WASF3: variants seen among roughly 807,000 people sequenced by gnomAD.
The protein encoded by WASF3 is actin-binding protein WASF3.
In WASF3, 11 loss-of-function variants were observed where a neutral mutation model predicts 46.6. The ratio of observed to expected loss-of-function variants is 0.24; its 90% CI spans 0.15 to 0.39. The LOEUF is 0.39. Among genes scored for constraint, WASF3 ranks in the 10% least tolerant of loss-of-function variants. The probability of loss-of-function intolerance (pLI) is 1.00; values close to 1 mark genes in which losing one functional copy is unlikely to be tolerated. For synonymous variants in WASF3, 242 were observed against 259.7 expected (o/e 0.93, Z 0.65); for missense variants, 576 against 669.8 (o/e 0.86, Z 1.55).
chr13:26,568,374 G>A (rs1879537008), intron 1 of WASF3, among the ~76,000 whole-genome samples: 1 of 152,250 alleles, frequency 6.6e-6, no homozygotes, highest in Non-Finnish European at 1.5e-5. Flanking sequence ...AATAGCAGAA[G>A]AAAGAGATCA....
rs1198977267 is a variant in WASF3, at chr13:26,679,929, G to T, written c.717-1125G>T. On this transcript the variant is annotated intron_variant, in intron 7 of 9. Coordinates refer to ENST00000335327, the MANE Select transcript of WASF3 (RefSeq NM_006646.6). This position sits in a 1 kb window ranked among gnomAD's most constrained non-coding sequence, Gnocchi z 4.8. Reference sequence around the variant, plus strand: ...GGAAGGCTTTTCTGTGCCACATGGTGCCCCAGTTAAGAAAAGCTACCAACT... The same window carrying T: ...GGAAGGCTTTTCTGTGCCACATGGTTCCCCAGTTAAGAAAAGCTACCAACT... 8 of 1,337,248 alleles carry T rather than the reference G, an allele frequency of 6.0e-6. No homozygotes were observed. The East Asian group carries it at 2.0e-4, about 34-fold the overall frequency. The allele number at this position is 1,337,248 out of a possible 1,614,324, so 82.8% of individuals were successfully genotyped here.
intron 2 of WASF3, among the ~76,000 whole-genome samples, chr13:26,615,809 C>T (rs1403736179): frequency 6.6e-6 from 1 of 152,152 alleles, no homozygotes; most frequent in Non-Finnish European, 1.5e-5. Flanking sequence ...CACATAACGG[C>T]TGCTCTGCTT....
chr13:26,583,076 T>TAGCA (rs1880031605), intron 1 of WASF3, among the ~76,000 whole-genome samples: 1 of 152,228 alleles, frequency 6.6e-6, no homozygotes, highest in Admixed American at 6.5e-5. Flanking sequence ...AGTGGAAAGA[T>TAGCA]AGCAATAGCC....
chr13:26,651,017 G>A (rs1387517071), intron 3 of WASF3, among the ~76,000 whole-genome samples: 4 of 152,170 alleles, frequency 2.6e-5, no homozygotes, highest in African/African-American at 7.2e-5. Context: ...TCAACTAACA[G>A]ACACAAGAAA....
chr13:26,683,692 A>C (rs1021518794), intron 9 of WASF3, among the ~76,000 whole-genome samples: 1 of 152,096 alleles, frequency 6.6e-6, no homozygotes, highest in Non-Finnish European at 1.5e-5. Context: ...GTCCTAAGCC[A>C]GTGGTTTTTC....
At chr13:26,677,133 A>T (rs1233241377) in intron 7 of WASF3, among the ~76,000 whole-genome samples, 2 of 152,220 alleles carry the variant, frequency 1.3e-5, no homozygotes, top group Non-Finnish European at 2.9e-5. Context: ...GTAACTAAGG[A>T]GTACCTTCAT....
intron 1 of WASF3, among the ~76,000 whole-genome samples, chr13:26,582,569 C>T (rs964252028): frequency 2.1e-5 from 3 of 142,862 alleles, no homozygotes; most frequent in Admixed American, 7.5e-5. Context: ...CCCAGTTACT[C>T]GGGAGGCTGA....
At chr13:26,609,822 A>G (rs1880915204) in intron 1 of WASF3, among the ~76,000 whole-genome samples, 2 of 152,128 alleles carry the variant, frequency 1.3e-5, no homozygotes, top group South Asian at 2.1e-4. Flanking sequence ...TTGAGTGTCT[A>G]TATGCTTTTC....
rs1479068034 is a variant in WASF3 at position 26,667,668 on chromosome 13, C to T, written c.420C>T (p.Tyr140=). 1 of 1,613,642 alleles carries T rather than the reference C, an allele frequency of 6.2e-7. No individual in the cohort carries two copies. Among genetic ancestry groups the T allele is most frequent in the Admixed American group, 1.7e-5 (1 of 59,940 alleles). The change falls in exon 5 of 10, where the codon TAC becomes TAT. Residue 140 remains tyrosine (Y), a splice_region_variant and synonymous_variant. Coordinates refer to ENST00000335327, the MANE Select transcript of WASF3 (RefSeq NM_006646.6). ...KPPPLNILTP[Y]RDDKKDGLKF... is the part of the protein sequence containing the mutation. Reference sequence around the variant, plus strand: ...CGCCTCTGAACATCCTGACACCATACAGGTATAGCTTCATGAGTCCCAGAG... The same window carrying T: ...CGCCTCTGAACATCCTGACACCATATAGGTATAGCTTCATGAGTCCCAGAG...
intron 7 of WASF3, among the ~76,000 whole-genome samples, chr13:26,677,053 C>T (rs915814344): frequency 2.6e-5 from 4 of 152,116 alleles, no homozygotes; most frequent in African/African-American, 9.7e-5. Flanking sequence ...TCATTTAATT[C>T]TTTCTCTTAG....
At chr13:26,626,912 A>G (rs1566055457) in intron 2 of WASF3, among the ~76,000 whole-genome samples, 1 of 152,232 alleles carries the variant, frequency 6.6e-6, no homozygotes, top group Non-Finnish European at 1.5e-5. Flanking sequence ...ATACACAATT[A>G]TTGTTGACGT....
intron 1 of WASF3, among the ~76,000 whole-genome samples, chr13:26,561,749 T>G (rs934629273): frequency 6.6e-6 from 1 of 152,158 alleles, no homozygotes; most frequent in African/African-American, 2.4e-5. Flanking sequence ...ATGTCTAGAT[T>G]AGATTGCACT....
At chr13:26,662,960 G>A (rs1033167377) in intron 3 of WASF3, among the ~76,000 whole-genome samples, 5 of 151,992 alleles carry the variant, frequency 3.3e-5, no homozygotes, top group Admixed American at 1.3e-4. Context: ...TAGAAATGAC[G>A]TAGTCAGTTC....
At chr13:26,610,598 A>T (rs952858357) in intron 1 of WASF3, among the ~76,000 whole-genome samples, 1 of 152,180 alleles carries the variant, frequency 6.6e-6, no homozygotes, top group African/African-American at 2.4e-5. Context: ...AAACTAGACG[A>T]CAGGAGGGCA....
chr13:26,559,315 T>G (rs1388562782), intron 1 of WASF3, among the ~76,000 whole-genome samples: 6 of 152,266 alleles, frequency 3.9e-5, no homozygotes, highest in Non-Finnish European at 5.9e-5. Context: ...CAACCTGTGC[T>G]TATTCTAGAA....
intron 9 of WASF3, 102 bp downstream of exon 9, chr13:26,683,076 G>A (rs939431269): frequency 2.8e-5 from 42 of 1,474,312 alleles, no homozygotes; most frequent in South Asian, 2.6e-4. Flanking sequence ...TACTCACTAC[G>A]TTTTTTAAAA....
intron 1 of WASF3, among the ~76,000 whole-genome samples, chr13:26,582,489 AAC>A (rs759941947): frequency 6.6e-6 from 1 of 152,038 alleles, no homozygotes; most frequent in Non-Finnish European, 1.5e-5. Context: ...CAGCCTGGGC[AAC>A]ACAGTGAAAA....
intron 1 of WASF3, among the ~76,000 whole-genome samples, chr13:26,576,237 T>G (rs1879791732): frequency 6.6e-6 from 1 of 152,180 alleles, no homozygotes; most frequent in Non-Finnish European, 1.5e-5. Context: ...GAATCTATTA[T>G]TCTCCCTTGG....
chr13:26,596,816 C>T (rs1418568193), intron 1 of WASF3, among the ~76,000 whole-genome samples: 2 of 152,128 alleles, frequency 1.3e-5, no homozygotes, highest in Non-Finnish European at 2.9e-5. Flanking sequence ...TGTTTGTTTT[C>T]CATTTTTCTC....
Sources: gnomAD v4.1 joint callset for allele counts (sites outside exome capture counted in the v4.1 genomes callset) on GRCh38, gnomAD v4.1.1 for gene constraint, Gnocchi (gnomAD v3.1) non-coding constraint, MANE v1.5 for transcripts, NCBI Gene and HGNC (gene_info 2026-07-23, HGNC 2026-07-21) for gene names.